SPIN1: variants seen among roughly 807,000 people sequenced by gnomAD.
SPIN1 encodes spindlin 1, also known as spindlin-1.
Under a neutral mutation model 26.0 loss-of-function variants are expected in SPIN1, and 3 were observed. The observed-to-expected ratio is 0.12, with a 90% CI of 0.05 to 0.30. SPIN1 has a LOEUF of 0.30. SPIN1 is among the 10% of genes least tolerant of loss of function. The probability of loss-of-function intolerance (pLI) is 1.00; values close to 1 mark genes in which losing one functional copy is unlikely to be tolerated. For missense variants in SPIN1, 126 were observed against 333.4 expected (o/e 0.38, Z 4.84); for synonymous variants, 101 against 116.5 (o/e 0.87, Z 0.86).
At chr9:88,444,873 A>G (rs1828213112) in intron 2 of SPIN1, among the ~76,000 whole-genome samples, 1 of 150,808 alleles carries the variant, frequency 6.6e-6, no homozygotes, top group East Asian at 2.0e-4. Flanking sequence ...TTGTATTTTT[A>G]GTAGAGACGG....
chr9:88,451,872 C>T (rs564999344), intron 3 of SPIN1, among the ~76,000 whole-genome samples: 1 of 152,102 alleles, frequency 6.6e-6, no homozygotes, highest in African/African-American at 2.4e-5. Context: ...AAAAGTACAT[C>T]TTGGAGGGAA....
At position 88,468,668 on chromosome 9, in the gene SPIN1, A is replaced by T. The variant is rs1231059351; in HGVS notation, c.589+63A>T. ...GAAGGGATTTGGACTTCAGTACAAG[A>T]TATTTGATTGGCTCTTTTGCAGATA... On this transcript the variant is annotated intron_variant, in intron 5 of 5. Coordinates refer to ENST00000375859, the MANE Select transcript of SPIN1 (RefSeq NM_006717.3). The T allele has an allele frequency of 8.7e-6, 9 of 1,031,772 alleles. No homozygotes were observed. The Admixed American group carries it at 2.8e-4, about 32-fold the overall frequency. The allele number at this position is 1,031,772 out of a possible 1,614,324, so 63.9% of individuals were successfully genotyped here.
At chr9:88,452,001 T>C (rs2118146836) in intron 3 of SPIN1, among the ~76,000 whole-genome samples, 1 of 152,348 alleles carries the variant, frequency 6.6e-6, no homozygotes, top group South Asian at 2.1e-4. Context: ...TTCCATTCCA[T>C]GCTACTGTTG....
intron 2 of SPIN1, among the ~76,000 whole-genome samples, chr9:88,442,576 G>A (rs909737717): frequency 1.3e-5 from 2 of 151,506 alleles, no homozygotes. Flanking sequence ...GTAGAGATGG[G>A]GTTTCACCTT....
At chr9:88,400,193 G>A (rs1017286941) in intron 1 of SPIN1, among the ~76,000 whole-genome samples, 3 of 152,158 alleles carry the variant, frequency 2.0e-5, no homozygotes, top group African/African-American at 7.2e-5. Context: ...TGGCTGGACT[G>A]TAGTTGCAGC....
At chr9:88,452,803 G>T (rs958108523) in intron 3 of SPIN1, among the ~76,000 whole-genome samples, 4 of 152,078 alleles carry the variant, frequency 2.6e-5, no homozygotes, top group Non-Finnish European at 4.4e-5. Context: ...TTTGCATCTT[G>T]CAAAAAGACA....
chr9:88,460,871 C>G (rs904755472), intron 3 of SPIN1, among the ~76,000 whole-genome samples: 1 of 152,198 alleles, frequency 6.6e-6, no homozygotes, highest in African/African-American at 2.4e-5. Context: ...TAAGTTGACA[C>G]ACAAAATTAA....
At chr9:88,437,389 T>A (rs1427943245) in intron 2 of SPIN1, among the ~76,000 whole-genome samples, 1 of 151,608 alleles carries the variant, frequency 6.6e-6, no homozygotes, top group Non-Finnish European at 1.5e-5. Flanking sequence ...TCCTAGCCAC[T>A]CGGGAGGTTG....
chr9:88,414,049 A>T (rs967700552), intron 1 of SPIN1, among the ~76,000 whole-genome samples: 18 of 151,750 alleles, frequency 1.2e-4, no homozygotes. Flanking sequence ...AAAAATACAA[A>T]TTAGGACCAA....
intron 2 of SPIN1, among the ~76,000 whole-genome samples, chr9:88,437,489 C>A (rs1484146251): frequency 6.6e-6 from 1 of 150,488 alleles, no homozygotes; most frequent in Non-Finnish European, 1.5e-5. Context: ...CAGAGTAAGA[C>A]CCTGTCTCAA....
intron 3 of SPIN1, 112 bp from the exon 4 acceptor site, chr9:88,462,382 TTG>T: frequency 7.1e-7 from 1 of 1,406,130 alleles, no homozygotes; most frequent in South Asian, 1.4e-5. Flanking sequence ...AAACATGAGT[TTG>T]TACATATTTT....
chr9:88,453,405 T>A (rs1828402040), intron 3 of SPIN1, among the ~76,000 whole-genome samples: 2 of 152,184 alleles, frequency 1.3e-5, no homozygotes, highest in Admixed American at 6.5e-5. Flanking sequence ...ATTCTTTTGT[T>A]CCTCTTCATG....
intron 1 of SPIN1, among the ~76,000 whole-genome samples, chr9:88,392,868 T>C (rs1406461914): frequency 6.6e-6 from 1 of 152,164 alleles, no homozygotes; most frequent in Non-Finnish European, 1.5e-5. Context: ...CTGATCTGTC[T>C]AGGGATGAAT....
chr9:88,432,657 CTT>C (rs1222320442), intron 2 of SPIN1, among the ~76,000 whole-genome samples: 3 of 148,458 alleles, frequency 2.0e-5, no homozygotes, highest in Non-Finnish European at 4.5e-5. Context: ...CTAATTTTTT[CTT>C]TTTTCTTTCA....
chr9:88,413,065 GTTTTTTTTTT>G (rs148350918), intron 1 of SPIN1, among the ~76,000 whole-genome samples: 2 of 128,034 alleles, frequency 1.6e-5, no homozygotes, highest in Non-Finnish European at 3.2e-5. Flanking sequence ...TTAAAATTAA[GTTTTTTTTTT>G]TTTTTTTTTG....
At chr9:88,449,034 T>C (rs1191041576) in intron 3 of SPIN1, 45 bp downstream of exon 3, 2 of 1,594,466 alleles carry the variant, frequency 1.3e-6, no homozygotes, top group Non-Finnish European at 1.7e-6. Flanking sequence ...TTGTGACCTT[T>C]TGTTACGCAG....
chr9:88,397,388 TG>T (rs1473536395), intron 1 of SPIN1, among the ~76,000 whole-genome samples: 2 of 152,064 alleles, frequency 1.3e-5, no homozygotes, highest in African/African-American at 4.8e-5. Flanking sequence ...TCCAGTTGTG[TG>T]GGGCCTCCTT....
intron 4 of SPIN1, among the ~76,000 whole-genome samples, chr9:88,466,775 T>C (rs1402813857): frequency 6.6e-6 from 1 of 152,208 alleles, no homozygotes; most frequent in Non-Finnish European, 1.5e-5. Context: ...CTCACTCCCG[T>C]AGCCCAGGCT....
chr9:88,389,198 C>T (rs1002464709), intron 1 of SPIN1, among the ~76,000 whole-genome samples: 1 of 152,156 alleles, frequency 6.6e-6, no homozygotes, highest in African/African-American at 2.4e-5. Context: ...CCTGATGCGC[C>T]GTCTCTTCGC....
Sources: allele counts gnomAD v4.1 joint callset (sites outside exome capture counted in the v4.1 genomes callset), GRCh38; gene constraint gnomAD v4.1.1; transcripts MANE v1.5; gene names NCBI Gene and HGNC (gene_info 2026-07-23, HGNC 2026-07-21).